The following GBF1 variants were observed in gnomAD, a reference collection of about 807,000 sequenced individuals.
GBF1 encodes the protein golgi brefeldin A resistant guanine nucleotide exchange factor 1.
In GBF1, 114 loss-of-function variants were observed where a neutral mutation model predicts 210.5. The observed-to-expected ratio is 0.54, with a 90% CI of 0.47 to 0.63. The LOEUF is 0.63. Ranked by LOEUF, GBF1 falls within the 30% of genes least tolerant of loss-of-function variation. The pLI is 0.00. For missense variants in GBF1, 1,851 were observed against 2,357.7 expected (o/e 0.79, Z 4.45); for synonymous variants, 850 against 889.2 (o/e 0.96, Z 0.78).
At chr10:102,350,764 G>A (rs963021794) in intron 4 of GBF1, among the ~76,000 whole-genome samples, 1 of 152,078 alleles carries the variant, frequency 6.6e-6, no homozygotes, top group Non-Finnish European at 1.5e-5. Context: ...TTTACCCAGT[G>A]GATTTTGTGT....
At chr10:102,312,375 T>C (rs1340189467) in intron 3 of GBF1, among the ~76,000 whole-genome samples, 1 of 152,118 alleles carries the variant, frequency 6.6e-6, no homozygotes, top group Non-Finnish European at 1.5e-5. Context: ...ATCCACTTAA[T>C]GGGTCTCTTC....
intron 3 of GBF1, among the ~76,000 whole-genome samples, chr10:102,291,609 T>C (rs932892333): frequency 2.0e-5 from 3 of 152,224 alleles, no homozygotes; most frequent in African/African-American, 7.2e-5. Flanking sequence ...TCTTGTTTTC[T>C]CATTTCTGTT....
chr10:102,345,600 T>A (rs1261131438), intron 4 of GBF1, among the ~76,000 whole-genome samples: 1 of 114,772 alleles, frequency 8.7e-6, no homozygotes, highest in Non-Finnish European at 1.6e-5. Context: ...TGAGCCAAGA[T>A]CACACCATTG....
chr10:102,371,843 C>A (rs991316564), intron 29 of GBF1, among the ~76,000 whole-genome samples: 1 of 151,694 alleles, frequency 6.6e-6, no homozygotes, highest in South Asian at 2.1e-4. Context: ...GCAGGAGAAT[C>A]GCTTGAACTC....
Position 102,266,155 on chromosome 10 carries a change from C to T in GBF1, c.163+6039C>T, listed in dbSNP as rs557872688. Among the ~76,000 whole-genome samples, 393 of 152,176 alleles carry T rather than the reference C, an allele frequency of 2.6e-3. 2 individuals carry two copies. Among genetic ancestry groups the T allele is most frequent in the Non-Finnish European group, 4.6e-3 (312 of 68,000 alleles). On this transcript the variant is annotated intron_variant, in intron 3 of 39. Transcript: ENST00000369983. ...TCGGGAGGCTGAGGCAGGAGAATGGCCTGAACCTGGGAGGCGCAGCTTGCA... is the reference window on the plus strand; with the variant it reads ...TCGGGAGGCTGAGGCAGGAGAATGGTCTGAACCTGGGAGGCGCAGCTTGCA...
upstream of GBF1, among the ~76,000 whole-genome samples, chr10:102,243,262 A>G (rs892249359): frequency 2.6e-5 from 4 of 152,168 alleles, no homozygotes; most frequent in Admixed American, 6.5e-5. Context: ...CCCTCAGTGT[A>G]TACCTTCTAT....
At chr10:102,243,114 C>T (rs530618783), upstream of GBF1, among the ~76,000 whole-genome samples, 3 of 152,230 alleles carry the variant, frequency 2.0e-5, no homozygotes, top group South Asian at 4.1e-4. Flanking sequence ...CTAGTAGTGT[C>T]CTGCACACCT....
At chr10:102,289,871 A>G (rs766009327) in intron 3 of GBF1, among the ~76,000 whole-genome samples, 1 of 152,182 alleles carries the variant, frequency 6.6e-6, no homozygotes, top group Non-Finnish European at 1.5e-5. Flanking sequence ...ACTTTGAGAG[A>G]GGCCTAGGCG....
chr10:102,234,316 A>C, the GBF1 span, among the ~76,000 whole-genome samples: 1 of 152,122 alleles, frequency 6.6e-6, no homozygotes, highest in Non-Finnish European at 1.5e-5. Flanking sequence ...AGGTCAAGGC[A>C]GGAGGTTGAG....
At chr10:102,253,435 A>C (rs1477137145) in intron 1 of GBF1, among the ~76,000 whole-genome samples, 12 of 152,206 alleles carry the variant, frequency 7.9e-5, no homozygotes, top group Non-Finnish European at 2.9e-5. Context: ...TAGCTTTGTA[A>C]GATAATGCCA....
chr10:102,277,875 C>T (rs1161087457), intron 3 of GBF1, among the ~76,000 whole-genome samples: 1 of 151,762 alleles, frequency 6.6e-6, no homozygotes, highest in Non-Finnish European at 1.5e-5. Flanking sequence ...TCACAAATTA[C>T]ATTAGTTGTC....
upstream of GBF1, among the ~76,000 whole-genome samples, chr10:102,243,281 C>T (rs1401183700): frequency 6.6e-6 from 1 of 152,174 alleles, no homozygotes; most frequent in Non-Finnish European, 1.5e-5. Context: ...ATTACACCAC[C>T]CACCATATTG....
chr10:102,336,148 A>G (rs2134410236), intron 3 of GBF1, among the ~76,000 whole-genome samples: 1 of 152,088 alleles, frequency 6.6e-6, no homozygotes, highest in East Asian at 1.9e-4. Context: ...AGAAAATACA[A>G]AAATTAGCTG....
intron 3 of GBF1, among the ~76,000 whole-genome samples, chr10:102,294,527 G>A (rs2076756421): frequency 6.6e-6 from 1 of 151,704 alleles, no homozygotes; most frequent in South Asian, 2.1e-4. Context: ...GACTACAGGC[G>A]CCTGTCACCA....
At chr10:102,283,710 A>G (rs369970567) in intron 3 of GBF1, among the ~76,000 whole-genome samples, 2 of 152,238 alleles carry the variant, frequency 1.3e-5, no homozygotes, top group East Asian at 3.8e-4. Flanking sequence ...TGCTTCTACC[A>G]GTAAGTCTTG....
chr10:102,231,256 C>G, the GBF1 span, among the ~76,000 whole-genome samples: 1 of 152,146 alleles, frequency 6.6e-6, no homozygotes, highest in Non-Finnish European at 1.5e-5. Context: ...CGCACGGAGT[C>G]CGGGGTCGGA....
rs112468015 is a variant in GBF1, at chr10:102,356,138, G to A, written c.640-1901G>A. ...TCTTTATTGGAAGGAGCTATGGGTA[G>A]GAATGGAAGAATTGTGTGGTTTCTA... On this transcript the variant is annotated intron_variant, in intron 8 of 39. Coordinates refer to ENST00000369983, the MANE Select transcript of GBF1 (RefSeq NM_001377137.1). Among the ~76,000 whole-genome samples the A allele has an allele frequency of 4.2e-3, 643 of 152,258 alleles. 2 individuals carry two copies. The highest frequency in any genetic ancestry group is 6.8e-3 in the Middle Eastern group (2 of 294).
At chr10:102,372,225 A>G (rs2060252440) in intron 29 of GBF1, among the ~76,000 whole-genome samples, 1 of 149,264 alleles carries the variant, frequency 6.7e-6, no homozygotes, top group Non-Finnish European at 1.5e-5. Context: ...AAAAAAAAAG[A>G]CTTACTCTCG....
At chr10:102,381,921 T>C in intron 39 of GBF1, 135 bp from the exon 40 acceptor site, 1 of 620,354 alleles carries the variant, frequency 1.6e-6, no homozygotes, top group Non-Finnish European at 2.6e-6. Context: ...TCCCAACTTT[T>C]TAGGCTGGTG....
Sources: gnomAD v4.1 joint callset for allele counts (sites outside exome capture counted in the v4.1 genomes callset) on GRCh38, gnomAD v4.1.1 for gene constraint, MANE v1.5 for transcripts, NCBI Gene and HGNC (gene_info 2026-07-23, HGNC 2026-07-21) for gene names.